Variants in NAV3 observed in about 807,000 individuals in gnomAD.
The protein encoded by NAV3 is neuron navigator 3.
A neutral mutation model predicts 244.7 loss-of-function variants in NAV3; 87 were observed. The ratio of observed to expected loss-of-function variants is 0.36; its 90% CI spans 0.30 to 0.42. NAV3 has a LOEUF of 0.42. Ranked by LOEUF, NAV3 falls within the 20% of genes least tolerant of loss-of-function variation. The probability of loss-of-function intolerance (pLI) is 1.00; values close to 1 mark genes in which losing one functional copy is unlikely to be tolerated. For missense variants in NAV3, 2,663 were observed against 2,893.3 expected (o/e 0.92, Z 1.83); for synonymous variants, 1,126 against 1,042.2 (o/e 1.08, Z -1.55).
At chr12:77,834,882 G>GA (rs10546437) in intron 1 of NAV3, among the ~76,000 whole-genome samples, 42 of 151,642 alleles carry the variant, frequency 2.8e-4, no homozygotes, top group Middle Eastern at 3.4e-3. Flanking sequence ...TAGCTTTTGG[G>GA]AAAAAAAAAA....
At chr12:77,725,910 T>C (rs536450260) in intron 2 of NAV3, among the ~76,000 whole-genome samples, 1 of 152,066 alleles carries the variant, frequency 6.6e-6, no homozygotes, top group African/African-American at 2.4e-5. Context: ...CCTTCTATCT[T>C]CAAAGCCTTC....
chr12:77,968,456 G>A (rs1892701700), intron 4 of NAV3, 63 bp from the exon 5 acceptor site: 1 of 1,289,602 alleles, frequency 7.8e-7, no homozygotes, highest in Non-Finnish European at 1.1e-6. Flanking sequence ...AATGCATCTA[G>A]AATTTGTTAA....
intron 22 of NAV3, among the ~76,000 whole-genome samples, chr12:78,154,198 A>G (rs188230929): frequency 9.1e-4 from 130 of 142,834 alleles, no homozygotes; most frequent in Non-Finnish European, 1.7e-3. Flanking sequence ...ACTATATTAT[A>G]TATACTCTAG....
At position 78,006,938 on chromosome 12, in the gene NAV3, A is replaced by G; in HGVS notation, c.1400A>G (p.Glu467Gly). The G allele has an allele frequency of 6.2e-7, 1 of 1,613,808 alleles. No individual in the cohort carries two copies. The highest frequency in any genetic ancestry group is 8.5e-7 in the Non-Finnish European group (1 of 1,179,962). Residue 467 changes from glutamate (E) to glycine (G), a missense_variant, in exon 8 of 40, where the codon GAA (glutamate) becomes GGA (glycine). This residue lies in a region of NAV3 where 1,521 missense variants were observed against 1,497.0 expected (regional missense o/e 1.02). Coordinates refer to ENST00000397909, the MANE Select transcript of NAV3 (RefSeq NM_001024383.2). ...AAAAAGTCTTTGCTACAGCCAAAGG[A>G]AAAAGAAGAAAAGAACAGGGACAAA... ...SNKKSLLQPKEKEEKNRDKNK... is the reference protein window; with the variant it reads ...SNKKSLLQPKGKEEKNRDKNK...
intron 2 of NAV3, among the ~76,000 whole-genome samples, chr12:77,767,117 G>A (rs1869818007): frequency 6.6e-6 from 1 of 152,072 alleles, no homozygotes; most frequent in African/African-American, 2.4e-5. Flanking sequence ...GAGTCAGAGA[G>A]GTAGGCCCAA....
At chr12:78,011,535 G>A (rs1325336711) in intron 8 of NAV3, among the ~76,000 whole-genome samples, 1 of 152,114 alleles carries the variant, frequency 6.6e-6, no homozygotes, top group African/African-American at 2.4e-5. Flanking sequence ...AGGCATAAAA[G>A]ATGAGTTACA....
At chr12:78,125,619 A>C (rs112767843) in intron 16 of NAV3, among the ~76,000 whole-genome samples, 56 of 152,332 alleles carry the variant, frequency 3.7e-4, no homozygotes, top group African/African-American at 1.3e-3. Flanking sequence ...CTAGGCAGTC[A>C]GTGCCTGTCT....
At chr12:78,068,247 T>A (rs1448621965) in intron 12 of NAV3, among the ~76,000 whole-genome samples, 1 of 151,984 alleles carries the variant, frequency 6.6e-6, no homozygotes, top group Non-Finnish European at 1.5e-5. Flanking sequence ...TCTTAATAAA[T>A]AATAATTGCA....
chr12:78,178,794 A>T (rs893397942), intron 28 of NAV3, among the ~76,000 whole-genome samples: 1 of 152,138 alleles, frequency 6.6e-6, no homozygotes. Context: ...AATGGAAAAT[A>T]TGTTAGTTAA....
At chr12:77,662,259 A>G (rs1873495297) in intron 2 of NAV3, among the ~76,000 whole-genome samples, 1 of 151,216 alleles carries the variant, frequency 6.6e-6, no homozygotes, top group African/African-American at 2.4e-5. Flanking sequence ...CTATCTATCT[A>G]TCTATATCTC....
At position 78,007,251 on chromosome 12, in the gene NAV3, G is replaced by T. The variant is rs760299211; in HGVS notation, c.1713G>T (p.Met571Ile). 12 of 1,614,070 alleles carry T rather than the reference G, an allele frequency of 7.4e-6. No individual in the cohort carries two copies. The highest frequency in any genetic ancestry group is 1.6e-4 in the Middle Eastern group (1 of 6,082). The change falls in exon 8 of 40, where the codon ATG becomes ATT. Residue 571 changes from methionine (M) to isoleucine (I), a missense_variant. This residue lies in a region of NAV3 where 1,521 missense variants were observed against 1,497.0 expected (regional missense o/e 1.02). Transcript: ENST00000397909. ...AGTCCTTATCTAAGCCTATAACCAT[G>T]GAGAAAGCAAGTGCTTCTAGTTGTC... ...PSQSLSKPIT[M>I]EKASASSCPA...
At chr12:77,940,010 A>T (rs564742712) in intron 1 of NAV3, among the ~76,000 whole-genome samples, 36 of 151,572 alleles carry the variant, frequency 2.4e-4, no homozygotes, top group Admixed American at 8.5e-4. Flanking sequence ...GAAACAATAA[A>T]GAGAGAGAAA....
At chr12:77,697,534 A>G (rs917819420) in intron 2 of NAV3, among the ~76,000 whole-genome samples, 3 of 152,118 alleles carry the variant, frequency 2.0e-5, no homozygotes, top group African/African-American at 7.2e-5. Context: ...TTTATTTCTC[A>G]TATTAAACTT....
rs190117823 is a variant in NAV3, at chr12:77,681,675, G to A, written c.72+109409G>A. Among the ~76,000 whole-genome samples the A allele has an allele frequency of 4.3e-3, 647 of 152,014 alleles. 6 individuals carry two copies. The highest frequency in any genetic ancestry group is 0.015 in the African/African-American group (618 of 41,446). ...GGCTGATTTTCCCTCCCTTTTTCAG[G>A]TATAATTTCCAAAAGCAAGACTCAC... On this transcript the variant is annotated intron_variant, in intron 2 of 8. Coordinates refer to the NAV3 transcript ENST00000550042.
At chr12:77,639,265 A>G (rs774043450) in intron 2 of NAV3, among the ~76,000 whole-genome samples, 3 of 152,206 alleles carry the variant, frequency 2.0e-5, no homozygotes, top group Non-Finnish European at 4.4e-5. Context: ...CTTAGCCAAC[A>G]ATTTAGTCAG....
rs1231762268 is a variant in NAV3 at position 77,941,053 on chromosome 12, TCTCTTTTA to T, written c.362-27_362-20del. 6.9e-7 allele frequency: 1 copy of T among 1,454,658 alleles called. No individual in the cohort carries two copies. Among genetic ancestry groups the T allele is most frequent in the Non-Finnish European group, 9.5e-7 (1 of 1,053,602 alleles). The allele number at this position is 1,454,658 out of a possible 1,614,324, so 90.1% of individuals were successfully genotyped here. A position where few individuals can be genotyped will look rare whatever the true frequency, so the allele number is the denominator to read the frequency against. On this transcript the variant is annotated intron_variant, in intron 2 of 39. Transcript: ENST00000397909. ...GCTTAAGCATGTCGTTCTTTTTTTCTCTCTTTTATTTTATCTCTTGGCTTTAGCAAATG... is the reference window on the plus strand; with the variant it reads ...GCTTAAGCATGTCGTTCTTTTTTTCTTTTTATCTCTTGGCTTTAGCAAATG...
chr12:78,078,375 CTTTTTTTTTTTTTTTTTTTTTTTT>C (rs71088356), intron 12 of NAV3, among the ~76,000 whole-genome samples: 3 of 67,846 alleles, frequency 4.4e-5, no homozygotes, highest in South Asian at 5.8e-4. Flanking sequence ...TCTTTCCACT[CTTTTTTTTTTTTTTTTTTTTTTTT>C]TTTTTTTTTT....
chr12:78,009,759 A>G (rs1874933646), intron 8 of NAV3, among the ~76,000 whole-genome samples: 1 of 152,180 alleles, frequency 6.6e-6, no homozygotes. Flanking sequence ...TTCTAATCCT[A>G]TAAAGTATGA....
At chr12:77,951,502 A>G (rs967082028) in intron 3 of NAV3, among the ~76,000 whole-genome samples, 2 of 152,144 alleles carry the variant, frequency 1.3e-5, no homozygotes, top group African/African-American at 4.8e-5. Flanking sequence ...ATTGTGGAAG[A>G]CGGTGCGGCG....
Sources: gnomAD v4.1 joint callset for allele counts (sites outside exome capture counted in the v4.1 genomes callset) on GRCh38, gnomAD v4.1.1 for gene constraint, gnomAD v4.1.1 regional missense constraint, MANE v1.5 for transcripts, NCBI Gene and HGNC (gene_info 2026-07-23, HGNC 2026-07-21) for gene names.